The following OR10A2 variants were observed in gnomAD, a reference collection of about 807,000 sequenced individuals.
OR10A2 encodes olfactory receptor family 10 subfamily A member 2, also known as olfactory receptor 10A2.
In OR10A2, 15 loss-of-function variants were observed where a neutral mutation model predicts 13.7. The ratio of observed to expected loss-of-function variants is 1.10; its 90% confidence interval spans 0.73 to 1.69. The LOEUF (loss-of-function observed/expected upper bound fraction) is 1.69, where lower values mean the gene tolerates loss of function less well. Ranked by LOEUF, OR10A2 falls within the 40% of genes most tolerant of loss-of-function variation. The probability of loss-of-function intolerance (pLI) is 0.00; values close to 1 mark genes in which losing one functional copy is unlikely to be tolerated. For synonymous variants in OR10A2, 145 were observed against 144.7 expected (o/e 1.00, Z -0.02); for missense variants, 343 against 361.1 (o/e 0.95, Z 0.41).
chr11:6,870,593 G>A lies in OR10A2; in HGVS notation c.839G>A (p.Arg280Lys), dbSNP rs749131839. ...PMLNPIIYSL[R>K]NNEVKNALSR... ...TTGAACCCCATTATCTACAGCCTGA[G>A]AAATAACGAGGTGAAGAATGCCCTC... is the stretch of plus-strand genomic sequence containing the variant. The change falls in exon 2 of 2, where the codon AGA becomes AAA. Residue 280 changes from arginine (R) to lysine (K), a missense_variant. Arg to Lys is a conservative substitution (Grantham distance 26). Transcript: ENST00000641461. 6.2e-7 allele frequency: 1 copy of A among 1,613,866 alleles called. No homozygotes were observed. The highest frequency in any genetic ancestry group is 8.5e-7 in the Non-Finnish European group (1 of 1,179,836).
rs759487470 is a variant in OR10A2 at position 6,870,288 on chromosome 11, C to G, written c.534C>G (p.Asp178Glu). 29 of 1,613,956 alleles carry G rather than the reference C, an allele frequency of 1.8e-5. No individual in the cohort carries two copies. The highest frequency in any genetic ancestry group is 2.3e-5 in the Non-Finnish European group (27 of 1,180,002). ...CTGTGCTGAGGCTGGTCTGTGCAGA[C>G]ACAGCACTCTTTGAGATCTACGCCA... ...SPPVLRLVCA[D>E]TALFEIYAIV... Residue 178 changes from aspartate (D) to glutamate (E), a missense_variant, in exon 2 of 2, where the codon GAC becomes GAG. Physicochemically the swap from Asp to Glu is conservative, Grantham distance 45. Coordinates refer to ENST00000641461, the MANE Select transcript of OR10A2 (RefSeq NM_001004460.2).
At position 6,870,580 on chromosome 11, in the gene OR10A2, A is replaced by G; in HGVS notation, c.826A>G (p.Ile276Val). The change falls in exon 2 of 2, where the codon ATC becomes GTC. Residue 276 changes from isoleucine (I) to valine (V), a missense_variant. Physicochemically the swap from Ile to Val is conservative, Grantham distance 29 (BLOSUM62 3). Transcript: ENST00000641461. ...TATGACTCCCATGTTGAACCCCATT[A>G]TCTACAGCCTGAGAAATAACGAGGT... ...TVMTPMLNPI[I>V]YSLRNNEVKN... The G allele has an allele frequency of 6.2e-7, 1 of 1,614,068 alleles. No individual in the cohort carries two copies. Among genetic ancestry groups the G allele is most frequent in the Non-Finnish European group, 8.5e-7 (1 of 1,179,966 alleles).
In OR10A2 at chr11:6,870,044, C is replaced by T. The variant is rs761437390; in HGVS notation, c.290C>T (p.Ala97Val). 4 of 1,614,238 alleles carry T rather than the reference C, an allele frequency of 2.5e-6. No homozygotes were observed. The highest frequency in any genetic ancestry group is 1.6e-4 in the Middle Eastern group (1 of 6,062). Reference protein sequence around the residue: ...QMYFFFFFGVAECFLLATMAY... With the variant: ...QMYFFFFFGVVECFLLATMAY... ...TATTTCTTCTTCTTCTTTGGAGTGG[C>T]TGAATGCTTCCTCCTGGCTACCATG... The change falls in exon 2 of 2, where the codon GCT (alanine) becomes GTT (valine). Residue 97 changes from alanine (A) to valine (V), a missense_variant. By Grantham distance (64) the Ala-to-Val change is moderately conservative. Transcript: ENST00000641461.
At chr11:6,867,885 G>A (rs1013273023) in intron 1 of OR10A2, among the ~76,000 whole-genome samples, 4 of 152,070 alleles carry the variant, frequency 2.6e-5, no homozygotes, top group Non-Finnish European at 4.4e-5. Flanking sequence ...GAGTAGCTAG[G>A]ACAACAGGCA....
At position 6,870,231 on chromosome 11, in the gene OR10A2, C is replaced by T. The variant is rs1287454837; in HGVS notation, c.477C>T (p.Asn159=). ...WLFSFPFCGT[N]KVNHFFCDSP... ...TCAGTTTTCCATTCTGTGGCACCAA[C>T]AAGGTGAACCACTTCTTCTGTGACA... is the stretch of plus-strand genomic sequence containing the variant. Residue 159 remains asparagine (N), a synonymous_variant, in exon 2 of 2, where the codon AAC becomes AAT. Transcript: ENST00000641461. 1 of 1,614,098 alleles carries T rather than the reference C, an allele frequency of 6.2e-7. No individual in the cohort carries two copies. The highest frequency in any genetic ancestry group is 8.5e-7 in the Non-Finnish European group (1 of 1,180,046).
chr11:6,864,192 A>T (rs1848362824), intron 1 of OR10A2, among the ~76,000 whole-genome samples: 1 of 152,100 alleles, frequency 6.6e-6, no homozygotes, highest in Non-Finnish European at 1.5e-5. Context: ...AGTTTTCAGA[A>T]GTTCTGTGGA....
intron 1 of OR10A2, among the ~76,000 whole-genome samples, chr11:6,869,209 CCCT>C (rs1848403681): frequency 6.6e-6 from 1 of 152,144 alleles, no homozygotes; most frequent in African/African-American, 2.4e-5. Context: ...TAACCTTTCA[CCCT>C]CCTCTCAAAT....
intron 1 of OR10A2, among the ~76,000 whole-genome samples, chr11:6,866,301 C>G (rs1848377793): frequency 6.6e-6 from 1 of 152,208 alleles, no homozygotes; most frequent in South Asian, 2.1e-4. Flanking sequence ...AACTGTCAAA[C>G]TGTTTTCTGC....
intron 1 of OR10A2, among the ~76,000 whole-genome samples, chr11:6,865,092 T>C (rs918509752): frequency 3.6e-4 from 46 of 128,918 alleles, no homozygotes; most frequent in Non-Finnish European, 6.1e-4. Context: ...ATAATATATA[T>C]GAATAAAAAT....
rs911977401 is a variant in OR10A2 at position 6,872,159 on chromosome 11, A to G, written c.*1493A>G. On this transcript the variant is annotated 3_prime_UTR_variant, in exon 2 of 2. Coordinates refer to ENST00000641461, the MANE Select transcript of OR10A2 (RefSeq NM_001004460.2). Reference sequence around the variant, plus strand: ...AAGAAACAGATGATCAAATCAGAGGAAAGGTGTGCATTTCATTGAAACTTG... The same window carrying G: ...AAGAAACAGATGATCAAATCAGAGGGAAGGTGTGCATTTCATTGAAACTTG... The G allele has an allele frequency of 1.3e-5, 2 of 152,224 alleles. No homozygotes were observed. The highest frequency in any genetic ancestry group is 2.4e-5 in the African/African-American group (1 of 41,462). 9.4% of individuals were successfully genotyped at this position (152,224 alleles called of 1,614,324 possible).
rs2133069528 is a variant in OR10A2, at chr11:6,869,681, A to G, written c.-74A>G. ...GACTTCCAATCAATAATCTTTCTCC[A>G]TGACCACAGTTGGGGACTTCTGCCC... On this transcript the variant is annotated 5_prime_UTR_variant, in exon 2 of 2. It removes an upstream start codon present in the reference 5' UTR. Transcript: ENST00000641461. 2 of 1,229,146 alleles carry G rather than the reference A, an allele frequency of 1.6e-6. No homozygotes were observed. Among genetic ancestry groups the G allele is most frequent in the East Asian group, 4.7e-5 (2 of 42,936 alleles). The allele number at this position is 1,229,146 out of a possible 1,614,324, so 76.1% of individuals were successfully genotyped here.
At chr11:6,868,016 C>T (rs573635917) in intron 1 of OR10A2, among the ~76,000 whole-genome samples, 45 of 152,312 alleles carry the variant, frequency 3.0e-4, no homozygotes, top group Non-Finnish European at 5.1e-4. Context: ...TCCCAAAGTC[C>T]TGGGATTACA....
rs1350750613 is a variant in OR10A2 at position 6,863,280 on chromosome 11, T to C, written c.-204T>C. ...ACAGAAATAGAGCTGTTATATTACA[T>C]GCATGAAGGACATGCATGAAGCATG... On this transcript the variant is annotated 5_prime_UTR_variant, in exon 1 of 2. It removes an upstream start codon present in the reference 5' UTR. Transcript: ENST00000641461. The C allele has an allele frequency of 6.6e-6, 1 of 151,142 alleles. No individual in the cohort carries two copies. The highest frequency in any genetic ancestry group is 1.5e-5 in the Non-Finnish European group (1 of 67,922). The allele number at this position is 151,142 out of a possible 1,614,324, so 9.4% of individuals were successfully genotyped here. A position where few individuals can be genotyped will look rare whatever the true frequency, so the allele number is the denominator to read the frequency against.
At position 6,870,094 on chromosome 11, in the gene OR10A2, T is replaced by C; in HGVS notation, c.340T>C (p.Cys114Arg). ...GGCATATGACCGCTATGTGGCCATCTGCAGTCCCTTGCACTACCCAGTCAT... is the reference window on the plus strand; with the variant it reads ...GGCATATGACCGCTATGTGGCCATCCGCAGTCCCTTGCACTACCCAGTCAT... Reference protein sequence around the residue: ...TMAYDRYVAICSPLHYPVIMN... With the variant: ...TMAYDRYVAIRSPLHYPVIMN... The change falls in exon 2 of 2, where the codon TGC (cysteine) becomes CGC (arginine). Residue 114 changes from cysteine to arginine, a missense_variant. Coordinates refer to ENST00000641461, the MANE Select transcript of OR10A2 (RefSeq NM_001004460.2). The C allele has an allele frequency of 6.2e-7, 1 of 1,614,230 alleles. No individual in the cohort carries two copies. The highest frequency in any genetic ancestry group is 8.5e-7 in the Non-Finnish European group (1 of 1,180,034).
chr11:6,866,837 A>T (rs1351285147), intron 1 of OR10A2, among the ~76,000 whole-genome samples: 1 of 152,100 alleles, frequency 6.6e-6, no homozygotes, highest in Non-Finnish European at 1.5e-5. Context: ...TTTCTTTCAT[A>T]CTTAGGGATT....
rs1848439922 is a variant in OR10A2 at position 6,872,081 on chromosome 11, A to G, written c.*1415A>G. On this transcript the variant is annotated 3_prime_UTR_variant, in exon 2 of 2. Transcript: ENST00000641461. ...TAGAATTTCGATTATTTAATATTTT[A>G]TAAAAACTCAATGAAATTTTAATTT... 1 of 152,216 alleles carries G rather than the reference A, an allele frequency of 6.6e-6. No individual in the cohort carries two copies. Among genetic ancestry groups the G allele is most frequent in the Non-Finnish European group, 1.5e-5 (1 of 68,028 alleles). 9.4% of individuals were successfully genotyped at this position (152,216 alleles called of 1,614,324 possible). A position where few individuals can be genotyped will look rare whatever the true frequency, so the allele number is the denominator to read the frequency against.
Position 6,869,726 on chromosome 11 carries a change from A to G in OR10A2, c.-29A>G. On this transcript the variant is annotated 5_prime_UTR_variant, in exon 2 of 2. Coordinates refer to ENST00000641461, the MANE Select transcript of OR10A2 (RefSeq NM_001004460.2). ...CTGCCCACACTTATAGCTACAGGAA[A>G]CTGGACAAGAATAAGTGAGTTTATC... 6.3e-7 allele frequency: 1 copy of G among 1,589,564 alleles called. No individual in the cohort carries two copies. Among genetic ancestry groups the G allele is most frequent in the African/African-American group, 1.3e-5 (1 of 74,546 alleles).
At position 6,869,669 on chromosome 11, in the gene OR10A2, T is replaced by G. The variant is rs79799808; in HGVS notation, c.-86T>G. ...AATTGAGAATCTGACTTCCAATCAA[T>G]AATCTTTCTCCATGACCACAGTTGG... On this transcript the variant is annotated 5_prime_UTR_variant, in exon 2 of 2. It removes the in-frame stop codon of an upstream open reading frame in the 5' UTR. Coordinates refer to ENST00000641461, the MANE Select transcript of OR10A2 (RefSeq NM_001004460.2). 1.5e-3 allele frequency: 1,693 copies of G among 1,143,394 alleles called. 17 individuals are homozygous for G. The African/African-American group carries it at 0.018, about 12-fold the overall frequency. 70.8% of individuals were successfully genotyped at this position (1,143,394 alleles called of 1,614,324 possible).
At chr11:6,863,546 A>G (rs1006730836) in intron 1 of OR10A2, among the ~76,000 whole-genome samples, 195 bp downstream of exon 1, 1 of 151,934 alleles carries the variant, frequency 6.6e-6, no homozygotes, top group African/African-American at 2.4e-5. Flanking sequence ...ATGTCATAAG[A>G]AAAGTGAGAT....
Sources: gnomAD v4.1 joint callset for allele counts (sites outside exome capture counted in the v4.1 genomes callset) on GRCh38, gnomAD v4.1.1 for gene constraint, MANE v1.5 for transcripts, NCBI Gene and HGNC (gene_info 2026-07-23, HGNC 2026-07-21) for gene names.